Variants in CHLSN observed in about 807,000 individuals in gnomAD.
CHLSN encodes the protein protein cholesin.
the CHLSN span, among the ~76,000 whole-genome samples, chr7:1,049,994 C>CAA: frequency 6.6e-6 from 1 of 152,200 alleles, no homozygotes; most frequent in Non-Finnish European, 1.5e-5. Context: ...CTGTCGGCCC[C>CAA]CAAAGCTCAG....
At chr7:1,015,383 C>T in the CHLSN span, among the ~76,000 whole-genome samples, 420 of 152,322 alleles carry the variant, frequency 2.8e-3, no homozygotes, top group Non-Finnish European at 4.0e-3. Context: ...TGTGCAAGTC[C>T]CTGTCTCATG....
the CHLSN span, chr7:986,368 C>T: frequency 1.8e-6 from 1 of 548,348 alleles, no homozygotes; most frequent in South Asian, 2.1e-5. Flanking sequence ...TGCCTCCCTC[C>T]TCCCTCTCCA....
chr7:1,068,948 G>A, the CHLSN span, among the ~76,000 whole-genome samples: 1 of 152,162 alleles, frequency 6.6e-6, no homozygotes, highest in Non-Finnish European at 1.5e-5. Context: ...CCGGGGGAGG[G>A]GCCTGCGTAC....
At chr7:1,009,335 G>C in the CHLSN span, among the ~76,000 whole-genome samples, 2 of 152,222 alleles carry the variant, frequency 1.3e-5, no homozygotes, top group Non-Finnish European at 2.9e-5. Flanking sequence ...CACTCAGGGA[G>C]ACGGACAGGA....
At chr7:1,114,662 T>C in the CHLSN span, among the ~76,000 whole-genome samples, 1 of 152,114 alleles carries the variant, frequency 6.6e-6, no homozygotes, top group Non-Finnish European at 1.5e-5. Flanking sequence ...AGCTCTCCCA[T>C]GGGTGAGGGA....
chr7:1,028,752 G>T, the CHLSN span: 1 of 643,508 alleles, frequency 1.6e-6, no homozygotes, highest in Non-Finnish European at 1.8e-6. Context: ...ATCTCCCCCA[G>T]TCTGTCCCCA....
chr7:1,017,743 C>T, the CHLSN span, among the ~76,000 whole-genome samples: 19,368 of 152,216 alleles, frequency 0.13, 3,939 homozygotes, highest in African/African-American at 0.43. Context: ...TAAGGGGCAG[C>T]CGCGGACGGC....
the CHLSN span, among the ~76,000 whole-genome samples, chr7:1,023,573 C>T: frequency 1.4e-3 from 212 of 151,184 alleles, no homozygotes; most frequent in African/African-American, 4.9e-3. The surrounding 1 kb of genome is among the most constrained non-coding windows in gnomAD (Gnocchi z 5.0). Context: ...CAACTCCTTC[C>T]CACTGGGCCC....
At chr7:1,092,231 T>C in the CHLSN span, 3 of 1,612,816 alleles carry the variant, frequency 1.9e-6, no homozygotes, top group Non-Finnish European at 1.7e-6. Context: ...TGCAGCCTGT[T>C]CCGCACCAAG....
the CHLSN span, among the ~76,000 whole-genome samples, chr7:992,839 C>T: frequency 2.6e-5 from 4 of 152,244 alleles, no homozygotes. Flanking sequence ...TAGCGCCCAG[C>T]TGTCTCTCCG....
the CHLSN span, among the ~76,000 whole-genome samples, chr7:1,128,713 A>T: frequency 1.0e-4 from 2 of 19,952 alleles, no homozygotes; most frequent in South Asian, 2.3e-3. Context: ...GTGCAGTGGC[A>T]CGATCTCGGC....
chr7:1,101,847 G>A, the CHLSN span, among the ~76,000 whole-genome samples: 21 of 152,388 alleles, frequency 1.4e-4, no homozygotes, highest in East Asian at 5.8e-4. Context: ...GACACAGCAC[G>A]AAGCCCTGCT....
chr7:992,694 C>G, the CHLSN span, among the ~76,000 whole-genome samples: 1 of 152,230 alleles, frequency 6.6e-6, no homozygotes, highest in Non-Finnish European at 1.5e-5. Flanking sequence ...TGGGCCCTCC[C>G]CGTGATTGCT....
chr7:1,069,148 A>G, the CHLSN span, among the ~76,000 whole-genome samples: 1 of 152,268 alleles, frequency 6.6e-6, no homozygotes, highest in South Asian at 2.1e-4. Context: ...GCTTTACCAC[A>G]TGGAGAAACC....
At chr7:998,629 G>A in the CHLSN span, among the ~76,000 whole-genome samples, 155 of 152,168 alleles carry the variant, frequency 1.0e-3, no homozygotes, top group Non-Finnish European at 1.8e-3. Flanking sequence ...ATTTTTAGTA[G>A]AGACGGGGTT....
the CHLSN span, chr7:1,028,290 G>C: frequency 9.4e-7 from 1 of 1,066,136 alleles, no homozygotes; most frequent in Non-Finnish European, 1.1e-6. Context: ...CGCGGGCACG[G>C]ACGGCGCCGG....
chr7:1,014,329 C>A, the CHLSN span, among the ~76,000 whole-genome samples: 1 of 152,222 alleles, frequency 6.6e-6, no homozygotes, highest in Non-Finnish European at 1.5e-5. Context: ...ATGCCTTTAA[C>A]TCCTGGCAAG....
chr7:1,130,087 CCT>C, the CHLSN span, among the ~76,000 whole-genome samples: 1 of 152,130 alleles, frequency 6.6e-6, no homozygotes, highest in African/African-American at 2.4e-5. Flanking sequence ...TCTGGGGTCT[CCT>C]CTGAGTGGGC....
chr7:1,013,266 C>T, the CHLSN span, among the ~76,000 whole-genome samples: 1 of 152,218 alleles, frequency 6.6e-6, no homozygotes, highest in African/African-American at 2.4e-5. Context: ...CAAATAAGAA[C>T]GTGGGTTTAA....
Sources: allele counts gnomAD v4.1 joint callset (sites outside exome capture counted in the v4.1 genomes callset), GRCh38; gene constraint gnomAD v4.1.1; non-coding constraint Gnocchi (gnomAD v3.1); transcripts MANE v1.5; gene names NCBI Gene and HGNC (gene_info 2026-07-23, HGNC 2026-07-21).